Variants in NFRKB observed in about 807,000 individuals in gnomAD.
NFRKB encodes the protein nuclear factor related to kappa-B-binding protein.
A neutral mutation model predicts 135.7 loss-of-function variants in NFRKB; 62 were observed. The observed-to-expected ratio is 0.46, with a 90% confidence interval of 0.37 to 0.56. The LOEUF (loss-of-function observed/expected upper bound fraction) is 0.56. NFRKB is among the 20% of genes least tolerant of loss of function. The pLI, the probability that NFRKB is intolerant of heterozygous loss-of-function variation, is 0.00. For synonymous variants in NFRKB, 678 were observed against 635.6 expected, an observed-to-expected ratio of 1.07 and a Z score of -1.00; for missense variants, 1,545 against 1,662.0, an observed-to-expected ratio of 0.93 and a Z score of 1.22.
At chr11:129,884,680 T>C in intron 7 of NFRKB, 65 bp downstream of exon 7, 1 of 1,587,470 alleles carries the variant, frequency 6.3e-7, no homozygotes, top group Non-Finnish European at 8.6e-7. Flanking sequence ...CACCTCCCTC[T>C]AAAGGAGTTT....
intron 22 of NFRKB, 53 bp downstream of exon 22, chr11:129,873,692 C>T: frequency 6.3e-7 from 1 of 1,588,676 alleles, no homozygotes; most frequent in Non-Finnish European, 8.6e-7. Context: ...ACTCATCAGC[C>T]CACCTCTGGG....
Position 129,884,062 on chromosome 11 carries a change from C to G in NFRKB, c.816+8G>C. 2 of 1,614,172 alleles carry G rather than the reference C, an allele frequency of 1.2e-6. No homozygotes were observed. Among genetic ancestry groups the G allele is most frequent in the South Asian group, 1.1e-5 (1 of 91,084 alleles). On this transcript the variant is annotated splice_region_variant and intron_variant, in intron 8 of 26. Coordinates refer to ENST00000682444, the MANE Select transcript of NFRKB (RefSeq NM_001143835.2). Reference sequence around the variant, plus strand: ...AAACCACACGGCCGCACGCCCTTCCCATCTTACTGGCTGATGTTTCCGCTT... The same window carrying G: ...AAACCACACGGCCGCACGCCCTTCCGATCTTACTGGCTGATGTTTCCGCTT...
At chr11:129,875,036 C>G in intron 18 of NFRKB, 120 bp from the exon 19 acceptor site, 1 of 1,290,206 alleles carries the variant, frequency 7.8e-7, no homozygotes, top group South Asian at 1.3e-5. Flanking sequence ...TCTATCTCAG[C>G]CTAGCTGCGT....
chr11:129,877,256 G>A (rs1286454463), intron 16 of NFRKB, 69 bp downstream of exon 16: 1 of 1,451,920 alleles, frequency 6.9e-7, no homozygotes, highest in African/African-American at 1.4e-5. Flanking sequence ...ATGCAGGAGA[G>A]TCAGGCTCAG....
intron 13 of NFRKB, 90 bp from the exon 14 acceptor site, chr11:129,878,633 C>G: frequency 9.6e-7 from 1 of 1,043,702 alleles, no homozygotes; most frequent in Non-Finnish European, 1.4e-6. Context: ...AACTACAACA[C>G]AGAGAGATTC....
intron 8 of NFRKB, 36 bp from the exon 9 acceptor site, chr11:129,883,242 CA>C: frequency 6.4e-7 from 1 of 1,550,978 alleles, no homozygotes; most frequent in Non-Finnish European, 8.9e-7. Flanking sequence ...CATGGAGGCC[CA>C]AAAAGGAGCA....
At chr11:129,871,436 T>C (rs1948501296) in intron 23 of NFRKB, among the ~76,000 whole-genome samples, 1 of 152,108 alleles carries the variant, frequency 6.6e-6, no homozygotes, top group Admixed American at 6.6e-5. Context: ...CATCTCACGC[T>C]GCCACTACAC....
intron 3 of NFRKB, among the ~76,000 whole-genome samples, chr11:129,889,870 G>T (rs1200150407): frequency 6.6e-6 from 1 of 151,726 alleles, no homozygotes; most frequent in Non-Finnish European, 1.5e-5. Flanking sequence ...ATAAGACAGG[G>T]TACGTGGTGG....
chr11:129,888,485 T>C lies in NFRKB; in HGVS notation c.337+109A>G, dbSNP rs779546389. On this transcript the variant is annotated intron_variant, in intron 4 of 26. Transcript: ENST00000682444. The stretch of plus-strand genomic sequence containing the variant: ...ACAAAACCGCTCTTTGCTGCCTCAG[T>C]ATCTGTACATGAAGATAAAAAGAAG... 6.9e-6 allele frequency: 8 copies of C among 1,155,462 alleles called. No individual in the cohort carries two copies. The African/African-American group carries it at 1.1e-4, about 15-fold the overall frequency. The allele number at this position is 1,155,462 out of a possible 1,614,324, so 71.6% of individuals were successfully genotyped here.
rs571301388 is a variant in NFRKB, at chr11:129,887,185, G to A, written c.338-741C>T. On this transcript the variant is annotated intron_variant, in intron 4 of 26. Coordinates refer to ENST00000682444, the MANE Select transcript of NFRKB (RefSeq NM_001143835.2). ...TCCAGAAAGCAAACTGTAACTTAAA[G>A]AGTGGCCCAAAGCATTTTGCAACCC... is the stretch of plus-strand genomic sequence containing the variant. Among the ~76,000 whole-genome samples the A allele has an allele frequency of 2.0e-5, 3 of 152,298 alleles. No homozygotes were observed. In the East Asian group the frequency reaches 5.8e-4, roughly 29 times the overall value.
At chr11:129,890,128 G>A (rs774670266) in intron 3 of NFRKB, among the ~76,000 whole-genome samples, 5 of 151,224 alleles carry the variant, frequency 3.3e-5, no homozygotes, top group African/African-American at 4.9e-5. Context: ...TGCAAAGGAC[G>A]GCAAGCATTT....
chr11:129,881,951 T>C (rs1292216477), intron 11 of NFRKB, 98 bp from the exon 12 acceptor site: 18 of 1,511,900 alleles, frequency 1.2e-5, no homozygotes, highest in African/African-American at 1.1e-4. Context: ...CATCCGGTGT[T>C]TGTCCGAATC....
intron 24 of NFRKB, 76 bp from the exon 25 acceptor site, chr11:129,866,059 G>C: frequency 1.6e-6 from 2 of 1,257,516 alleles, no homozygotes; most frequent in South Asian, 2.9e-5. Flanking sequence ...CAGGGCATCA[G>C]GAACTGAGAA....
At chr11:129,872,602 A>C in intron 23 of NFRKB, 1 of 257,728 alleles carries the variant, frequency 3.9e-6, no homozygotes, top group Non-Finnish European at 7.4e-6. Flanking sequence ...GGCCATGGGA[A>C]TTTCACTAAA....
chr11:129,873,493 C>T (rs1254762189), intron 22 of NFRKB, among the ~76,000 whole-genome samples: 1 of 152,212 alleles, frequency 6.6e-6, no homozygotes, highest in Non-Finnish European at 1.5e-5. Flanking sequence ...CCCGCCTCTA[C>T]GAAGATCCTG....
chr11:129,870,391 T>A, intron 23 of NFRKB, 130 bp from the exon 24 acceptor site: 1 of 1,027,006 alleles, frequency 9.7e-7, no homozygotes, highest in Non-Finnish European at 1.4e-6. Flanking sequence ...TTTGCAAACA[T>A]TCACAGAAGT....
rs768543581 is a variant in NFRKB, at chr11:129,885,399, A to T, written c.640+36T>A. On this transcript the variant is annotated intron_variant, in intron 6 of 26. Transcript: ENST00000682444. The stretch of plus-strand genomic sequence containing the variant: ...CGGACAAGTGGCCGGTATCCATCCA[A>T]TACCCCAGCTACCCCAAGTGCCCGA... The T allele has an allele frequency of 2.7e-5, 42 of 1,576,590 alleles. No homozygotes were observed. In the Admixed American group the frequency reaches 7.0e-4, roughly 26 times the overall value.
chr11:129,886,218 T>C, intron 5 of NFRKB, 99 bp downstream of exon 5: 1 of 1,403,676 alleles, frequency 7.1e-7, no homozygotes, highest in African/African-American at 1.4e-5. Flanking sequence ...AGCATTTTTT[T>C]CTTCGTGGCA....
At position 129,878,010 on chromosome 11, in the gene NFRKB, T is replaced by A. The variant is rs144240607; in HGVS notation, c.1511+299A>T. Among the ~76,000 whole-genome samples, 870 of 152,260 alleles carry A rather than the reference T, an allele frequency of 5.7e-3. 13 individuals carry two copies. Among genetic ancestry groups the A allele is most frequent in the African/African-American group, 0.02 (818 of 41,534 alleles). ...ATTTACTGGACTAAGATGGCCTAGATGAATAATTCTCAAGTAGGAGCCCAG... is the reference window on the plus strand; with the variant it reads ...ATTTACTGGACTAAGATGGCCTAGAAGAATAATTCTCAAGTAGGAGCCCAG... On this transcript the variant is annotated intron_variant, in intron 15 of 26. Coordinates refer to ENST00000682444, the MANE Select transcript of NFRKB (RefSeq NM_001143835.2).
Sources: gnomAD v4.1 joint callset for allele counts (sites outside exome capture counted in the v4.1 genomes callset) on GRCh38, gnomAD v4.1.1 for gene constraint, MANE v1.5 for transcripts, NCBI Gene and HGNC (gene_info 2026-07-23, HGNC 2026-07-21) for gene names.